Variants in SSX2IP observed in about 807,000 individuals in gnomAD.
SSX2IP encodes afadin- and alpha-actinin-binding protein.
Under a neutral mutation model 84.9 loss-of-function variants are expected in SSX2IP, and 55 were observed. That is an observed-to-expected ratio of 0.65 (90% CI 0.52 to 0.81). The LOEUF (loss-of-function observed/expected upper bound fraction) is 0.81. Ranked by LOEUF, SSX2IP falls within the 30% of genes least tolerant of loss-of-function variation. The pLI, the probability that SSX2IP is intolerant of heterozygous loss-of-function variation, is 0.00. For synonymous variants in SSX2IP, 239 were observed against 234.7 expected (o/e 1.02, Z -0.17); for missense variants, 664 against 705.2 (o/e 0.94, Z 0.66).
At chr1:84,675,418 T>C (rs28718107) in intron 1 of SSX2IP, among the ~76,000 whole-genome samples, 1 of 152,226 alleles carries the variant, frequency 6.6e-6, no homozygotes, top group African/African-American at 2.4e-5. Context: ...AAGTAAGTCT[T>C]GGGACCCTGA....
chr1:84,663,063 A>G (rs1442942846), intron 6 of SSX2IP, among the ~76,000 whole-genome samples: 4 of 152,210 alleles, frequency 2.6e-5, no homozygotes, highest in Middle Eastern at 3.4e-3. Context: ...TAAAGCTGAA[A>G]ATGTTTACTA....
chr1:84,672,424 A>C (rs1017864801), intron 1 of SSX2IP, among the ~76,000 whole-genome samples: 10 of 151,088 alleles, frequency 6.6e-5, no homozygotes, highest in Non-Finnish European at 8.8e-5. Context: ...AAAAAAAAAA[A>C]CTCTATGTAT....
intron 12 of SSX2IP, 31 bp from the exon 13 acceptor site, chr1:84,650,558 G>C (rs200002930): frequency 6.2e-7 from 1 of 1,611,802 alleles, no homozygotes; most frequent in African/African-American, 1.3e-5. Flanking sequence ...GAAAAAGGCA[G>C]TACATATGGT....
chr1:84,670,867 G>A, intron 2 of SSX2IP, 52 bp from the exon 3 acceptor site: 1 of 1,425,168 alleles, frequency 7.0e-7, no homozygotes, highest in African/African-American at 1.4e-5. Flanking sequence ...CGTATGTAAA[G>A]CTAACATAAT....
At chr1:84,670,967 G>C in intron 2 of SSX2IP, 152 bp from the exon 3 acceptor site, 1 of 865,076 alleles carries the variant, frequency 1.2e-6, no homozygotes, top group East Asian at 2.8e-5. Context: ...TCAAATTAGG[G>C]CAAAGCCTCT....
intron 4 of SSX2IP, among the ~76,000 whole-genome samples, chr1:84,668,486 T>G (rs1001366271): frequency 1.3e-5 from 2 of 152,062 alleles, no homozygotes; most frequent in African/African-American, 4.8e-5. Flanking sequence ...CCTAAAAACA[T>G]TATTAAGAGA....
chr1:84,671,076 T>C, intron 2 of SSX2IP, 101 bp downstream of exon 2: 10 of 1,364,352 alleles, frequency 7.3e-6, no homozygotes, highest in Non-Finnish European at 1.0e-5. Flanking sequence ...TGTCTCTCTT[T>C]AGTCACATCT....
intron 11 of SSX2IP, among the ~76,000 whole-genome samples, chr1:84,653,158 CAAAT>C (rs150944367): frequency 0.018 from 2,776 of 152,238 alleles, 91 homozygotes; most frequent in African/African-American, 0.062. Flanking sequence ...ATTTTAAGTT[CAAAT>C]AAACAATGCA....
At chr1:84,687,607 A>G (rs919911838) in intron 1 of SSX2IP, among the ~76,000 whole-genome samples, 1 of 152,246 alleles carries the variant, frequency 6.6e-6, no homozygotes, top group African/African-American at 2.4e-5. Context: ...GGGCTTCAGC[A>G]AAATATACTT....
intron 1 of SSX2IP, among the ~76,000 whole-genome samples, chr1:84,681,581 A>G (rs1557527951): frequency 1.3e-5 from 2 of 151,260 alleles, no homozygotes; most frequent in African/African-American, 2.4e-5. Flanking sequence ...CTTCCATAGC[A>G]TATCTTTATA....
chr1:84,665,250 C>T (rs1039719032), intron 5 of SSX2IP, among the ~76,000 whole-genome samples: 1 of 152,122 alleles, frequency 6.6e-6, no homozygotes, highest in Non-Finnish European at 1.5e-5. Flanking sequence ...ATCAACAGAT[C>T]TAGTCAAAAT....
At chr1:84,669,929 A>G (rs778964593) in intron 3 of SSX2IP, 36 bp from the exon 4 acceptor site, 1 of 1,508,296 alleles carries the variant, frequency 6.6e-7, no homozygotes, top group Non-Finnish European at 9.1e-7. Context: ...AGTTGGTTAC[A>G]GTTGAGGAGA....
chr1:84,666,944 T>G (rs1393899873), intron 4 of SSX2IP, among the ~76,000 whole-genome samples: 1 of 152,164 alleles, frequency 6.6e-6, no homozygotes, highest in Non-Finnish European at 1.5e-5. Context: ...AATTATGTCT[T>G]AACCGACCAT....
chr1:84,678,259 C>T (rs1448935756), intron 1 of SSX2IP, among the ~76,000 whole-genome samples: 1 of 152,190 alleles, frequency 6.6e-6, no homozygotes, highest in Non-Finnish European at 1.5e-5. Flanking sequence ...TTGCAGCCAA[C>T]AGTACCTGAA....
At chr1:84,675,246 T>C (rs1019638391) in intron 1 of SSX2IP, among the ~76,000 whole-genome samples, 2 of 152,236 alleles carry the variant, frequency 1.3e-5, no homozygotes, top group Non-Finnish European at 2.9e-5. Flanking sequence ...ATAGTGGACA[T>C]GATTATTCCT....
Position 84,664,543 on chromosome 1 carries a change from A to AT in SSX2IP, c.546dup (p.Leu183IlefsTer13), listed in dbSNP as rs1164558054. The stretch of plus-strand genomic sequence containing the variant: ...GCTCGACTTGCAATGATATTTTGTA[A>AT]TTTTTGCACCTGAAAAAGGCATTTG... On this transcript the variant is annotated frameshift_variant, in exon 6 of 14. Coordinates refer to ENST00000342203, the MANE Select transcript of SSX2IP (RefSeq NM_001166293.2). LOFTEE classifies it high-confidence loss of function. 10 of 1,571,334 alleles carry AT rather than the reference A, an allele frequency of 6.4e-6. No homozygotes were observed. The highest frequency in any genetic ancestry group is 8.6e-6 in the Non-Finnish European group (10 of 1,164,708).
chr1:84,671,149 T>G (rs1445805062), intron 2 of SSX2IP, 28 bp downstream of exon 2: 2 of 1,602,500 alleles, frequency 1.2e-6, no homozygotes, highest in Admixed American at 1.7e-5. Context: ...GTTTCTGCTT[T>G]TGTTTACAAT....
intron 8 of SSX2IP, among the ~76,000 whole-genome samples, chr1:84,661,509 C>G (rs1426642084): frequency 6.6e-6 from 1 of 152,046 alleles, no homozygotes; most frequent in East Asian, 1.9e-4. Context: ...TTCTGTTCTG[C>G]ACATTGTACC....
chr1:84,655,343 T>G, intron 11 of SSX2IP: 10 of 1,106,536 alleles, frequency 9.0e-6, no homozygotes, highest in Non-Finnish European at 1.1e-5. Context: ...ACATTACTGC[T>G]ACAATTTTTG....
Sources: gnomAD v4.1 joint callset for allele counts (sites outside exome capture counted in the v4.1 genomes callset) on GRCh38, gnomAD v4.1.1 for gene constraint, MANE v1.5 for transcripts, NCBI Gene and HGNC (gene_info 2026-07-23, HGNC 2026-07-21) for gene names.